ELAVL2: variants seen among roughly 807,000 people sequenced by gnomAD.
ELAVL2 encodes ELAV-like protein 2.
ELAVL2 carries 4 observed loss-of-function variants against 34.6 expected under a neutral mutation model. The observed-to-expected ratio is 0.12, with a 90% CI of 0.06 to 0.26. The LOEUF (loss-of-function observed/expected upper bound fraction) is 0.26, where lower values mean the gene tolerates loss of function less well. Among genes scored for constraint, ELAVL2 ranks in the 10% least tolerant of loss-of-function variants. The pLI, the probability that ELAVL2 is intolerant of heterozygous loss-of-function variation, is 1.00. For missense variants in ELAVL2, 432 were observed against 442.8 expected, an observed-to-expected ratio of 0.98 and a Z score of 0.22; for synonymous variants, 193 against 154.8, an observed-to-expected ratio of 1.25 and a Z score of -1.83.
At chr9:23,723,211 CACATAT>C (rs2044184760) in intron 3 of ELAVL2, among the ~76,000 whole-genome samples, 2 of 152,056 alleles carry the variant, frequency 1.3e-5, no homozygotes, top group Admixed American at 6.6e-5. Context: ...GAAAATGTGG[CACATAT>C]ACACCATGGA....
intron 2 of ELAVL2, among the ~76,000 whole-genome samples, chr9:23,737,790 G>A (rs1016775791): frequency 6.6e-6 from 1 of 152,180 alleles, no homozygotes; most frequent in Non-Finnish European, 1.5e-5. Context: ...GCAGAAACAG[G>A]TCACTATGGT....
At chr9:23,817,969 A>C (rs1339064742) in intron 1 of ELAVL2, among the ~76,000 whole-genome samples, 1 of 152,228 alleles carries the variant, frequency 6.6e-6, no homozygotes, top group Non-Finnish European at 1.5e-5. Flanking sequence ...CGTTATGTGA[A>C]ATCCTTAAAT....
chr9:23,820,301 G>A lies in ELAVL2; in HGVS notation c.-16+5505C>T, dbSNP rs575538820. On this transcript the variant is annotated intron_variant, in intron 1 of 6. Transcript: ENST00000397312. ...TGAGGCTGAGCTAAATTTTTATGAA[G>A]AATTATTAGGAATAGGGCCACTAGA... Among the ~76,000 whole-genome samples, 9 of 152,260 alleles carry A rather than the reference G, an allele frequency of 5.9e-5. No homozygotes were observed. The South Asian group carries it at 1.2e-3, about 21-fold the overall frequency.
At chr9:23,703,726 C>T (rs975419317) in intron 4 of ELAVL2, among the ~76,000 whole-genome samples, 1 of 152,026 alleles carries the variant, frequency 6.6e-6, no homozygotes, top group African/African-American at 2.4e-5. Flanking sequence ...AACATGCCTC[C>T]AAGGTATTAT....
chr9:23,738,918 G>GT (rs2048502309), intron 2 of ELAVL2, among the ~76,000 whole-genome samples: 1 of 152,114 alleles, frequency 6.6e-6, no homozygotes, highest in Admixed American at 6.5e-5. Context: ...TCCAGTCCCA[G>GT]TAATTATGAA....
At chr9:23,782,240 C>A (rs1473136648) in intron 1 of ELAVL2, among the ~76,000 whole-genome samples, 1 of 152,178 alleles carries the variant, frequency 6.6e-6, no homozygotes, top group African/African-American at 2.4e-5. Flanking sequence ...TATAGCTATT[C>A]CTGAAAAATT....
At chr9:23,711,694 T>C (rs767758938) in intron 3 of ELAVL2, among the ~76,000 whole-genome samples, 10 of 152,198 alleles carry the variant, frequency 6.6e-5, no homozygotes, top group African/African-American at 9.7e-5. Context: ...CACTGCATTA[T>C]ATGCCTTGTT....
At chr9:23,756,140 T>C (rs758822776) in intron 2 of ELAVL2, among the ~76,000 whole-genome samples, 4 of 152,104 alleles carry the variant, frequency 2.6e-5, no homozygotes, top group Non-Finnish European at 4.4e-5. Context: ...ATTATTTTGA[T>C]AGAATAAAGA....
Position 23,701,515 on chromosome 9 carries a change from C to G in ELAVL2, c.577G>C (p.Gly193Arg), listed in dbSNP as rs201547434. ...TTTACAGTGATTGGCTCCGTGGCACCGGGAGGTTTCTGGCCATTTAGGCCT... is the reference window on the plus strand; with the variant it reads ...TTTACAGTGATTGGCTCCGTGGCACGGGGAGGTTTCTGGCCATTTAGGCCT... Reference protein sequence around the residue: ...IKGLNGQKPPGATEPITVKFA... With the variant: ...IKGLNGQKPPRATEPITVKFA... Residue 193 changes from glycine (G) to arginine (R), a missense_variant, in exon 5 of 7, where the codon GGT becomes CGT. Physicochemically the swap from Gly to Arg is moderately radical, Grantham distance 125. This residue lies in a region of ELAVL2 where 295 missense variants were observed against 306.1 expected (regional missense o/e 0.96). Transcript: ENST00000397312. 1.1e-5 allele frequency: 18 copies of G among 1,613,920 alleles called. No homozygotes were observed. Among genetic ancestry groups the G allele is most frequent in the Non-Finnish European group, 1.5e-5 (18 of 1,180,004 alleles).
intron 1 of ELAVL2, among the ~76,000 whole-genome samples, chr9:23,792,046 G>A (rs1340185155): frequency 2.0e-5 from 3 of 152,080 alleles, no homozygotes; most frequent in Admixed American, 6.6e-5. Context: ...GTGCAAGATC[G>A]ATACACATTC....
At chr9:23,835,410 C>T in the ELAVL2 span, among the ~76,000 whole-genome samples, 2 of 152,140 alleles carry the variant, frequency 1.3e-5, no homozygotes, top group South Asian at 4.2e-4. Flanking sequence ...TCACCTCTCC[C>T]TAGGCTCATT....
intron 2 of ELAVL2, among the ~76,000 whole-genome samples, chr9:23,746,332 TAGAA>T (rs2050472094): frequency 6.6e-6 from 1 of 152,096 alleles, no homozygotes; most frequent in Non-Finnish European, 1.5e-5. Context: ...AAAACACTGA[TAGAA>T]AAAGATAAAA....
At chr9:23,733,381 C>T (rs137939709) in intron 2 of ELAVL2, among the ~76,000 whole-genome samples, 219 of 152,202 alleles carry the variant, frequency 1.4e-3, no homozygotes, top group African/African-American at 5.0e-3. Flanking sequence ...ATCAGTCTGT[C>T]ATGAAGCATT....
intron 3 of ELAVL2, among the ~76,000 whole-genome samples, chr9:23,718,286 C>A (rs1456870213): frequency 1.3e-5 from 2 of 152,164 alleles, no homozygotes; most frequent in East Asian, 3.9e-4. Context: ...AAAACACAAT[C>A]TGCAAGCCCT....
chr9:23,822,639 GTTT>G (rs2064976235), intron 1 of ELAVL2, among the ~76,000 whole-genome samples: 1 of 152,194 alleles, frequency 6.6e-6, no homozygotes, highest in African/African-American at 2.4e-5. Flanking sequence ...GCTGGAGCAC[GTTT>G]TTACACCTGC....
chr9:23,701,411 T>G lies in ELAVL2; in HGVS notation c.681A>C (p.Pro227=). ...QLYQSPNRRY[P]GPLAQQAQRF... ...GCTGTGCCTGCTGAGCTAGCGGTCC[T>G]GGATACCTTCTGTTTGGAGACTGGT... The change falls in exon 5 of 7, where the codon CCA becomes CCC. Residue 227 remains proline, a synonymous_variant. Transcript: ENST00000397312. The G allele has an allele frequency of 6.2e-7, 1 of 1,614,120 alleles. No individual in the cohort carries two copies. Among genetic ancestry groups the G allele is most frequent in the Non-Finnish European group, 8.5e-7 (1 of 1,179,984 alleles).
chr9:23,802,473 A>C lies in ELAVL2; in HGVS notation c.-16+23333T>G, dbSNP rs147048682. Among the ~76,000 whole-genome samples, 167 of 152,236 alleles carry C rather than the reference A, an allele frequency of 1.1e-3. 1 individual carries two copies. Among genetic ancestry groups the C allele is most frequent in the Non-Finnish European group, 1.9e-3 (128 of 68,006 alleles). On this transcript the variant is annotated intron_variant, in intron 1 of 6. Transcript: ENST00000397312. ...GACAATCTTACCTCCAAAGTACTCC[A>C]ATTCCACAGCTTTATTCTTAAATTT...
upstream of ELAVL2, among the ~76,000 whole-genome samples, chr9:23,828,042 C>T (rs1020040273): frequency 6.6e-6 from 1 of 152,066 alleles, no homozygotes; most frequent in African/African-American, 2.4e-5. Flanking sequence ...GTGAAACTCA[C>T]AGCAAGAAGA....
At chr9:23,717,204 A>C (rs568888446) in intron 3 of ELAVL2, among the ~76,000 whole-genome samples, 1 of 152,332 alleles carries the variant, frequency 6.6e-6, no homozygotes, top group East Asian at 1.9e-4. Context: ...AGTAATGAAA[A>C]TATAATGATC....
Sources: gnomAD v4.1 joint callset for allele counts (sites outside exome capture counted in the v4.1 genomes callset) on GRCh38, gnomAD v4.1.1 for gene constraint, gnomAD v4.1.1 regional missense constraint, MANE v1.5 for transcripts, NCBI Gene and HGNC (gene_info 2026-07-23, HGNC 2026-07-21) for gene names.